UBAP2: variants seen among roughly 807,000 people sequenced by gnomAD.
The protein encoded by UBAP2 is ubiquitin-associated protein 2.
UBAP2 carries 75 observed loss-of-function variants against 139.6 expected under a neutral mutation model. That is an observed-to-expected ratio of 0.54 (90% CI 0.45 to 0.65). The LOEUF is 0.65. Among genes scored for constraint, UBAP2 ranks in the 30% least tolerant of loss-of-function variants. The probability of loss-of-function intolerance (pLI) is 0.00; values close to 1 mark genes in which losing one functional copy is unlikely to be tolerated. For missense variants in UBAP2, 1,368 were observed against 1,369.6 expected (o/e 1.00, Z 0.02); for synonymous variants, 526 against 526.2 (o/e 1.00, Z 0.01).
intron 1 of UBAP2, among the ~76,000 whole-genome samples, chr9:34,034,219 G>A (rs977505979): frequency 3.9e-5 from 6 of 152,064 alleles, no homozygotes; most frequent in Non-Finnish European, 7.4e-5. Flanking sequence ...TCATCTCTAG[G>A]TTTTATTACA....
At chr9:33,937,302 G>C (rs371107908) in intron 16 of UBAP2, among the ~76,000 whole-genome samples, 1 of 152,010 alleles carries the variant, frequency 6.6e-6, no homozygotes, top group Non-Finnish European at 1.5e-5. Context: ...GCATGTAGTT[G>C]AGAATACATA....
At chr9:33,959,252 T>C (rs945712528) in intron 10 of UBAP2, among the ~76,000 whole-genome samples, 2 of 152,156 alleles carry the variant, frequency 1.3e-5, no homozygotes, top group Admixed American at 6.5e-5. Flanking sequence ...AATAATACTG[T>C]GTGTGAAGGA....
chr9:34,044,306 C>G (rs1445483672), intron 1 of UBAP2, among the ~76,000 whole-genome samples: 2 of 151,606 alleles, frequency 1.3e-5, no homozygotes, highest in Non-Finnish European at 2.9e-5. Flanking sequence ...GAGGCTGAGG[C>G]AGGAGAATGG....
At position 33,923,255 on chromosome 9, in the gene UBAP2, A is replaced by G; in HGVS notation, c.2935T>C (p.Tyr979His). ...GATCCAGCATAGCCACCTTTGGAGT[A>G]GTCTCCTGCTGCTGTCCCCTGGGTC... ...DLTQGTAAGD[Y>H]SKGGYAGSSQ... The change falls in exon 26 of 29, where the codon TAC (tyrosine) becomes CAC (histidine). Residue 979 changes from tyrosine (Y) to histidine (H), a missense_variant. Transcript: ENST00000379238. The G allele has an allele frequency of 1.2e-6, 2 of 1,614,190 alleles. No individual in the cohort carries two copies. Among genetic ancestry groups the G allele is most frequent in the Non-Finnish European group, 1.7e-6 (2 of 1,180,016 alleles).
chr9:34,016,941 T>C, intron 2 of UBAP2, 109 bp downstream of exon 2: 2 of 754,854 alleles, frequency 2.6e-6, no homozygotes, highest in Middle Eastern at 3.5e-4. Context: ...TCCCTTAATT[T>C]CCTTAATTCT....
chr9:33,929,208 T>TA (rs1823748295), intron 19 of UBAP2, among the ~76,000 whole-genome samples: 1 of 152,064 alleles, frequency 6.6e-6, no homozygotes, highest in Non-Finnish European at 1.5e-5. Context: ...TGTACTTGGA[T>TA]ATATACAACC....
At chr9:33,925,625 C>T (rs1823360297) in intron 22 of UBAP2, among the ~76,000 whole-genome samples, 1 of 152,194 alleles carries the variant, frequency 6.6e-6, no homozygotes, top group Non-Finnish European at 1.5e-5. Flanking sequence ...CTGGTTTGCA[C>T]AGTGGGGAGA....
At chr9:33,939,575 T>C (rs919339775) in intron 16 of UBAP2, among the ~76,000 whole-genome samples, 1 of 148,952 alleles carries the variant, frequency 6.7e-6, no homozygotes, top group African/African-American at 2.5e-5. Context: ...CTGGGTAACA[T>C]GATGAAACCC....
chr9:33,981,119 T>TATATATATATATTCTGG lies in UBAP2; in HGVS notation c.520+5640_520+5641insCCAGAATATATATATAT. 6.4e-4 allele frequency among the ~76,000 whole-genome samples: 5 copies of TATATATATATATTCTGG among 7,798 alleles called. 2 individuals carry two copies. Among genetic ancestry groups the TATATATATATATTCTGG allele is most frequent in the South Asian group, 0.012 (2 of 166 alleles). 5.1% of individuals were successfully genotyped at this position (7,798 alleles called of 152,430 possible). On this transcript the variant is annotated intron_variant, in intron 6 of 28. Transcript: ENST00000379238. ...TATATTCTGGATATATATATATATA[T>TATATATATATATTCTGG]ATATATATATATATATATTCTGGAT...
chr9:34,005,434 CAAA>C (rs36086568), intron 2 of UBAP2, among the ~76,000 whole-genome samples: 1,804 of 86,308 alleles, frequency 0.021, 35 homozygotes, highest in African/African-American at 0.071. Context: ...GACCCTGTCT[CAAA>C]AAAAAAAAAA....
intron 8 of UBAP2, chr9:33,968,503 G>T: frequency 2.0e-6 from 1 of 506,350 alleles, no homozygotes; most frequent in Non-Finnish European, 3.9e-6. Context: ...ATGGGACGCG[G>T]TACAAAGTCT....
At chr9:33,926,707 C>A in intron 21 of UBAP2, 43 bp from the exon 22 acceptor site, 1 of 1,610,162 alleles carries the variant, frequency 6.2e-7, no homozygotes, top group Non-Finnish European at 8.5e-7. Flanking sequence ...CCACATACCA[C>A]ACCCTGGGAA....
rs1825821491 is a variant in UBAP2, at chr9:33,948,411, C to A, written c.1233G>T (p.Lys411Asn). 1 of 1,613,484 alleles carries A rather than the reference C, an allele frequency of 6.2e-7. No individual in the cohort carries two copies. Residue 411 changes from lysine to asparagine, a missense_variant, in exon 13 of 29, where the codon AAG becomes AAT. Lys to Asn is a moderately conservative substitution (Grantham distance 94). Transcript: ENST00000379238. ...HPTTTTSWDL[K>N]PPTSQSSVLS... ...GGACTGAGGACTGGGATGTTGGGGG[C>A]TTGAGGTCCCAAGAAGTAGTAGTTG... is the stretch of plus-strand genomic sequence containing the variant.
At chr9:33,968,722 AC>A (rs1381321924) in intron 8 of UBAP2, among the ~76,000 whole-genome samples, 2 of 152,194 alleles carry the variant, frequency 1.3e-5, no homozygotes, top group Non-Finnish European at 1.5e-5. Flanking sequence ...TCCTTTTACA[AC>A]AGACAGTTGA....
chr9:33,982,254 C>T (rs1259614849), intron 6 of UBAP2, among the ~76,000 whole-genome samples: 2 of 152,154 alleles, frequency 1.3e-5, no homozygotes, highest in Non-Finnish European at 2.9e-5. Flanking sequence ...AACCCAAATC[C>T]TTTGCAAAAA....
At chr9:33,956,379 C>T (rs747425376) in intron 10 of UBAP2, among the ~76,000 whole-genome samples, 74 of 149,158 alleles carry the variant, frequency 5.0e-4, no homozygotes, top group African/African-American at 1.6e-3. Context: ...AGTGCAGTGA[C>T]GTGATCTCGG....
intron 9 of UBAP2, among the ~76,000 whole-genome samples, chr9:33,962,618 T>C (rs994779168): frequency 6.7e-6 from 1 of 149,782 alleles, no homozygotes; most frequent in Non-Finnish European, 1.5e-5. Context: ...TGCTCCAGCC[T>C]GGGCAACAGA....
intron 9 of UBAP2, 75 bp downstream of exon 9, chr9:33,963,651 G>T: frequency 2.3e-6 from 2 of 860,020 alleles, no homozygotes; most frequent in Non-Finnish European, 3.7e-6. Flanking sequence ...AGCTAGCTTT[G>T]ATAAAAAATG....
At chr9:34,036,421 T>C (rs773400152) in intron 1 of UBAP2, among the ~76,000 whole-genome samples, 42 of 152,042 alleles carry the variant, frequency 2.8e-4, no homozygotes, top group Admixed American at 2.6e-3. Flanking sequence ...CCAGCCTTGA[T>C]ACTTGATTCT....
Sources: gnomAD v4.1 joint callset for allele counts (sites outside exome capture counted in the v4.1 genomes callset) on GRCh38, gnomAD v4.1.1 for gene constraint, MANE v1.5 for transcripts, NCBI Gene and HGNC (gene_info 2026-07-23, HGNC 2026-07-21) for gene names.